The following DACH2 variants were observed in gnomAD, a reference collection of about 807,000 sequenced individuals.
DACH2 encodes the protein dachshund family transcription factor 2.
DACH2 carries 17 observed loss-of-function variants against 35.8 expected under a neutral mutation model. The ratio of observed to expected loss-of-function variants is 0.48; its 90% confidence interval spans 0.33 to 0.71. The LOEUF (loss-of-function observed/expected upper bound fraction) is 0.71, where lower values mean the gene tolerates loss of function less well. Ranked by LOEUF, DACH2 falls within the 30% of genes least tolerant of loss-of-function variation. The pLI is 0.02. For synonymous variants in DACH2, 195 were observed against 177.3 expected, an observed-to-expected ratio of 1.10 and a Z score of -0.79; for missense variants, 469 against 472.7, an observed-to-expected ratio of 0.99 and a Z score of 0.07.
At chrX:86,783,748 T>C (rs2042110634) in intron 7 of DACH2, among the ~76,000 whole-genome samples, 1 of 111,295 alleles carries the variant, frequency 9.0e-6, no homozygotes, top group African/African-American at 3.3e-5. Context: ...AAGTCAAACA[T>C]AGCATATTCT....
At chrX:86,296,784 T>G (rs1423111455) in intron 1 of DACH2, among the ~76,000 whole-genome samples, 2 of 110,862 alleles carry the variant, frequency 1.8e-5, no homozygotes, top group Non-Finnish European at 3.8e-5. Context: ...TTACTAGGCT[T>G]ATTCATTTTA....
intron 1 of DACH2, among the ~76,000 whole-genome samples, chrX:86,328,254 G>A (rs1239510717): frequency 2.7e-5 from 3 of 111,377 alleles, no homozygotes; most frequent in Non-Finnish European, 5.7e-5. Context: ...GATATCTGCC[G>A]TGTATTAAAC....
In DACH2 at chrX:86,579,878, G is replaced by A. The variant is rs531433752; in HGVS notation, c.640+65487G>A. 7.2e-4 allele frequency among the ~76,000 whole-genome samples: 81 copies of A among 112,254 alleles called. 1 individual carries two copies. In the South Asian group the frequency reaches 0.013, roughly 18 times the overall value. Reference sequence around the variant, plus strand: ...TGCTATACCACCACAGCCTACATGCGTGCAGCCTGCCGTGCTGCCATGGCT... The same window carrying A: ...TGCTATACCACCACAGCCTACATGCATGCAGCCTGCCGTGCTGCCATGGCT... On this transcript the variant is annotated intron_variant, in intron 3 of 11. Transcript: ENST00000373125.
chrX:86,791,212 G>T (rs974208834), intron 7 of DACH2, among the ~76,000 whole-genome samples: 34 of 110,703 alleles, frequency 3.1e-4, no homozygotes, highest in African/African-American at 9.8e-4. Context: ...TATTGTTCAA[G>T]GGTCAGCTGT....
intron 4 of DACH2, among the ~76,000 whole-genome samples, chrX:86,684,067 A>T (rs1244142154): frequency 9.0e-6 from 1 of 111,291 alleles, no homozygotes; most frequent in Admixed American, 9.7e-5. Context: ...GTCAAGTAAG[A>T]TCACTTTAAC....
At chrX:86,437,919 G>A (rs1477181332) in intron 2 of DACH2, among the ~76,000 whole-genome samples, 1 of 108,803 alleles carries the variant, frequency 9.2e-6, no homozygotes, top group African/African-American at 3.4e-5. Flanking sequence ...TAAATGTGGA[G>A]ATTTATTATA....
At chrX:86,286,527 C>T (rs1296165846) in intron 1 of DACH2, among the ~76,000 whole-genome samples, 1 of 111,118 alleles carries the variant, frequency 9.0e-6, no homozygotes, top group Non-Finnish European at 1.9e-5. Context: ...GTATTCTCCT[C>T]CTTCATTTTT....
chrX:86,592,480 C>A (rs2039660185), intron 3 of DACH2, among the ~76,000 whole-genome samples: 3 of 111,745 alleles, frequency 2.7e-5, no homozygotes, highest in African/African-American at 9.7e-5. Context: ...TTGCTTTTTT[C>A]TTTCAGTATT....
chrX:86,281,945 G>A (rs1459592642), intron 1 of DACH2, among the ~76,000 whole-genome samples: 1 of 111,510 alleles, frequency 9.0e-6, no homozygotes, highest in East Asian at 2.8e-4. Context: ...AATTTACTAG[G>A]GATGTGAAGG....
Position 86,294,896 on chromosome X carries a change from G to T in DACH2, c.489-81928G>T, listed in dbSNP as rs56215308. ...TTTGTTTGTCTGTGCCCTGCCCCCA[G>T]AGGTGGAGCCTACAGAGGCAGGCAG... On this transcript the variant is annotated intron_variant, in intron 1 of 11. Coordinates refer to ENST00000373125, the MANE Select transcript of DACH2 (RefSeq NM_053281.3). Among the ~76,000 whole-genome samples, 592 of 110,494 alleles carry T rather than the reference G, an allele frequency of 5.4e-3. 3 individuals carry two copies. The highest frequency in any genetic ancestry group is 0.018 in the African/African-American group (555 of 30,378).
chrX:86,730,198 G>T (rs1435918292), intron 6 of DACH2, among the ~76,000 whole-genome samples: 1 of 110,804 alleles, frequency 9.0e-6, no homozygotes, highest in East Asian at 2.8e-4. Flanking sequence ...TATGTTCTTT[G>T]AATAATAGGA....
At chrX:86,549,349 T>C (rs1483000357) in intron 3 of DACH2, among the ~76,000 whole-genome samples, 1 of 111,296 alleles carries the variant, frequency 9.0e-6, no homozygotes, top group African/African-American at 3.3e-5. Context: ...ACAGTTTAGA[T>C]CCATAAGGCC....
chrX:86,790,349 A>G (rs1331253093), intron 7 of DACH2, among the ~76,000 whole-genome samples: 1 of 112,078 alleles, frequency 8.9e-6, no homozygotes, highest in Non-Finnish European at 1.9e-5. Flanking sequence ...GTATTAAATT[A>G]TATTTGTTGT....
intron 1 of DACH2, among the ~76,000 whole-genome samples, chrX:86,262,812 A>G (rs1017258726): frequency 5.3e-5 from 6 of 112,193 alleles, no homozygotes; most frequent in Non-Finnish European, 7.5e-5. Context: ...GGACTTTGCA[A>G]CATGTACATG....
chrX:86,759,342 T>G (rs2041857677), intron 7 of DACH2, among the ~76,000 whole-genome samples: 1 of 111,868 alleles, frequency 8.9e-6, no homozygotes, highest in South Asian at 3.7e-4. Context: ...TTTGCTGAAC[T>G]TATCCCTTTT....
At chrX:86,285,695 G>A (rs2034130385) in intron 1 of DACH2, among the ~76,000 whole-genome samples, 1 of 111,812 alleles carries the variant, frequency 8.9e-6, no homozygotes, top group African/African-American at 3.3e-5. Context: ...TATAAGTGCA[G>A]ATTATGTCCA....
intron 3 of DACH2, among the ~76,000 whole-genome samples, chrX:86,582,663 A>G (rs1080778): frequency 0.046 from 5,127 of 110,539 alleles, 112 homozygotes; most frequent in Middle Eastern, 0.083. Flanking sequence ...TTGGACCAGG[A>G]AGAAATTGAA....
At chrX:86,170,646 A>G (rs1197232792) in intron 1 of DACH2, among the ~76,000 whole-genome samples, 2 of 112,455 alleles carry the variant, frequency 1.8e-5, no homozygotes, top group Non-Finnish European at 3.8e-5. Context: ...CACAAGGAGG[A>G]CTGCCAGACT....
intron 1 of DACH2, among the ~76,000 whole-genome samples, chrX:86,198,270 A>T (rs1320898002): frequency 8.9e-6 from 1 of 112,236 alleles, no homozygotes; most frequent in Non-Finnish European, 1.9e-5. Context: ...AGGCAGTGTT[A>T]AGAAGGACAT....
Sources: allele counts gnomAD v4.1 joint callset (sites outside exome capture counted in the v4.1 genomes callset), GRCh38; gene constraint gnomAD v4.1.1; transcripts MANE v1.5; gene names NCBI Gene and HGNC (gene_info 2026-07-23, HGNC 2026-07-21).